RFX3: variants seen among roughly 807,000 people sequenced by gnomAD.
RFX3 encodes the protein regulatory factor X3.
Under a neutral mutation model 98.6 loss-of-function variants are expected in RFX3, and 14 were observed. The observed-to-expected ratio is 0.14, with a 90% confidence interval of 0.09 to 0.22. The LOEUF is 0.22. Ranked by LOEUF, RFX3 falls within the 10% of genes least tolerant of loss-of-function variation. The probability of loss-of-function intolerance (pLI) is 1.00; values close to 1 mark genes in which losing one functional copy is unlikely to be tolerated. For synonymous variants in RFX3, 383 were observed against 328.4 expected (o/e 1.17, Z -1.80); for missense variants, 639 against 926.9 (o/e 0.69, Z 4.03).
chr9:3,472,987 T>TTAAATATTACTATA (rs1848913863), intron 1 of RFX3, among the ~76,000 whole-genome samples: 1 of 152,152 alleles, frequency 6.6e-6, no homozygotes, highest in Non-Finnish European at 1.5e-5. Flanking sequence ...AGCAATGTGG[T>TTAAATATTACTATA]TAAAAATATA....
intron 1 of RFX3, chr9:3,489,409 T>C (rs897455999): frequency 2.0e-6 from 2 of 985,246 alleles, no homozygotes; most frequent in Admixed American, 6.2e-5. Context: ...TAAAGTACTG[T>C]TTGTAGTGGA....
intron 7 of RFX3, among the ~76,000 whole-genome samples, chr9:3,284,482 T>A (rs3012689): frequency 0.043 from 6,512 of 151,644 alleles, 353 homozygotes; most frequent in African/African-American, 0.13. Context: ...AAGTTTTTTT[T>A]AAAAAAACTG....
intron 15 of RFX3, among the ~76,000 whole-genome samples, chr9:3,233,242 C>G (rs1442355482): frequency 1.3e-5 from 2 of 152,178 alleles, no homozygotes; most frequent in African/African-American, 4.8e-5. Flanking sequence ...CTTAGCACAG[C>G]CAGGGCAATG....
intron 2 of RFX3, among the ~76,000 whole-genome samples, chr9:3,354,297 G>A (rs559287670): frequency 6.6e-6 from 1 of 151,910 alleles, no homozygotes; most frequent in African/African-American, 2.4e-5. Flanking sequence ...TCAATGTACA[G>A]ACAAAGAAGC....
At chr9:3,237,173 C>T (rs747256001) in intron 15 of RFX3, among the ~76,000 whole-genome samples, 3 of 152,124 alleles carry the variant, frequency 2.0e-5, no homozygotes, top group African/African-American at 4.8e-5. Context: ...TATGTTTATG[C>T]TTCTTCTCTA....
intron 1 of RFX3, among the ~76,000 whole-genome samples, chr9:3,491,856 T>C (rs1265409153): frequency 2.6e-5 from 4 of 152,230 alleles, no homozygotes; most frequent in African/African-American, 7.2e-5. Flanking sequence ...TAAGAAAGAC[T>C]AGTTGTTTGG....
At chr9:3,293,303 G>C (rs116522197) in intron 5 of RFX3, 45 bp from the exon 6 acceptor site, 1 of 1,481,090 alleles carries the variant, frequency 6.8e-7, no homozygotes, top group Non-Finnish European at 9.1e-7. Context: ...CACATAATTT[G>C]CCAAAATTTC....
chr9:3,391,377 G>A (rs962117226), intron 2 of RFX3, among the ~76,000 whole-genome samples: 22 of 152,104 alleles, frequency 1.4e-4, no homozygotes, highest in African/African-American at 5.3e-4. Context: ...TTCTAAATAA[G>A]TCTGGGAGGA....
At chr9:3,491,386 ACT>A (rs942799651) in intron 1 of RFX3, among the ~76,000 whole-genome samples, 2 of 152,090 alleles carry the variant, frequency 1.3e-5, no homozygotes, top group African/African-American at 2.4e-5. Context: ...TTCTTACTTT[ACT>A]CTCAGTATAT....
At chr9:3,361,482 C>A (rs1424008232) in intron 2 of RFX3, among the ~76,000 whole-genome samples, 1 of 151,676 alleles carries the variant, frequency 6.6e-6, no homozygotes, top group East Asian at 1.9e-4. Context: ...AAATCATAAA[C>A]CTGAAAACAG....
chr9:3,358,382 C>A (rs1011069276), intron 2 of RFX3, among the ~76,000 whole-genome samples: 2 of 152,014 alleles, frequency 1.3e-5, no homozygotes, highest in South Asian at 2.1e-4. Flanking sequence ...CATCAAGGGT[C>A]CCTTAAAATC....
At chr9:3,455,318 C>T (rs1847050765) in intron 1 of RFX3, among the ~76,000 whole-genome samples, 1 of 152,124 alleles carries the variant, frequency 6.6e-6, no homozygotes. Context: ...CCCTCTCCAC[C>T]CCTTTTCACC....
At chr9:3,284,655 C>T (rs1563859185) in intron 7 of RFX3, among the ~76,000 whole-genome samples, 1 of 151,638 alleles carries the variant, frequency 6.6e-6, no homozygotes, top group Non-Finnish European at 1.5e-5. Context: ...ATTTGCCCCT[C>T]CACGGAGTGT....
intron 15 of RFX3, among the ~76,000 whole-genome samples, chr9:3,238,793 G>C (rs1819521519): frequency 6.6e-6 from 1 of 152,120 alleles, no homozygotes; most frequent in South Asian, 2.1e-4. Flanking sequence ...TTTGACACCA[G>C]CCTGACCGAC....
intron 1 of RFX3, among the ~76,000 whole-genome samples, chr9:3,413,423 A>C (rs146709405): frequency 3.9e-5 from 6 of 152,242 alleles, no homozygotes; most frequent in Non-Finnish European, 7.4e-5. Context: ...GGAACATCAT[A>C]CTATAGCTTA....
chr9:3,245,807 T>G (rs1465809736), intron 15 of RFX3, among the ~76,000 whole-genome samples: 1 of 152,144 alleles, frequency 6.6e-6, no homozygotes, highest in Non-Finnish European at 1.5e-5. Flanking sequence ...TTATGGTGAT[T>G]TGTATGGATT....
intron 1 of RFX3, among the ~76,000 whole-genome samples, chr9:3,520,724 A>G (rs764192131): frequency 6.6e-6 from 1 of 152,176 alleles, no homozygotes; most frequent in African/African-American, 2.4e-5. Context: ...CACCCAGGCT[A>G]AAGTGCAGTG....
At chr9:3,345,055 T>C (rs1327700731) in intron 3 of RFX3, among the ~76,000 whole-genome samples, 1 of 152,150 alleles carries the variant, frequency 6.6e-6, no homozygotes, top group Admixed American at 6.5e-5. Flanking sequence ...CTTCCTACTA[T>C]GGGAAACATA....
Position 3,419,103 on chromosome 9 carries a change from C to A in RFX3, c.-8-23507G>T, listed in dbSNP as rs182468149. Among the ~76,000 whole-genome samples the A allele has an allele frequency of 4.6e-5, 7 of 152,180 alleles. 1 individual carries two copies. In the East Asian group the frequency reaches 1.4e-3, roughly 29 times the overall value. On this transcript the variant is annotated intron_variant, in intron 1 of 16. Transcript: ENST00000617270. ...TTTGTTTTAAATGGCTAAAGGGTAA[C>A]ATTCAGCAGTATAGCACTGGAACAA...
Sources: gnomAD v4.1 joint callset for allele counts (sites outside exome capture counted in the v4.1 genomes callset) on GRCh38, gnomAD v4.1.1 for gene constraint, MANE v1.5 for transcripts, NCBI Gene and HGNC (gene_info 2026-07-23, HGNC 2026-07-21) for gene names.